CYYR1: variants seen among roughly 807,000 people sequenced by gnomAD.
CYYR1 encodes the protein cysteine and tyrosine-rich protein 1.
Under a neutral mutation model 15.2 loss-of-function variants are expected in CYYR1, and 14 were observed. That is an observed-to-expected ratio of 0.92 (90% CI 0.61 to 1.44). CYYR1 has a LOEUF of 1.44. CYYR1 is among the 40% of genes most tolerant of loss of function. CYYR1 has a pLI of 0.00. For synonymous variants in CYYR1, 80 were observed against 77.4 expected, an observed-to-expected ratio of 1.03 and a Z score of -0.18; for missense variants, 228 against 209.5, an observed-to-expected ratio of 1.09 and a Z score of -0.54.
chr21:26,533,718 C>A (rs2065961515), intron 2 of CYYR1, among the ~76,000 whole-genome samples: 1 of 152,124 alleles, frequency 6.6e-6, no homozygotes, highest in Non-Finnish European at 1.5e-5. Flanking sequence ...TTCACCATCA[C>A]AATTAGGTTG....
intron 2 of CYYR1, among the ~76,000 whole-genome samples, chr21:26,562,413 A>G (rs1980265201): frequency 6.6e-6 from 1 of 152,162 alleles, no homozygotes; most frequent in Admixed American, 6.6e-5. Context: ...TCTGATTTCC[A>G]GAAAAGTACT....
chr21:26,477,713 C>A (rs913383040), intron 3 of CYYR1: 2 of 979,342 alleles, frequency 2.0e-6, no homozygotes, highest in African/African-American at 3.5e-5. Context: ...GTATCTAGAA[C>A]GTTATCTGCA....
At chr21:26,519,179 TA>T (rs1360625802) in intron 2 of CYYR1, among the ~76,000 whole-genome samples, 2 of 152,184 alleles carry the variant, frequency 1.3e-5, no homozygotes, top group East Asian at 3.9e-4. Flanking sequence ...ATGTTTGGAA[TA>T]TATCATTAAG....
chr21:26,557,462 C>G (rs558193828), intron 2 of CYYR1, among the ~76,000 whole-genome samples: 92 of 152,224 alleles, frequency 6.0e-4, no homozygotes, highest in Non-Finnish European at 9.1e-4. Flanking sequence ...TAAAACGCAA[C>G]AAGCAAATAG....
At chr21:26,544,862 C>T (rs904847808) in intron 2 of CYYR1, among the ~76,000 whole-genome samples, 3 of 151,792 alleles carry the variant, frequency 2.0e-5, no homozygotes, top group Admixed American at 6.6e-5. Flanking sequence ...GAGGTGGATC[C>T]TAGGAGTTCC....
At chr21:26,552,390 G>T (rs1379150362) in intron 2 of CYYR1, among the ~76,000 whole-genome samples, 1 of 152,074 alleles carries the variant, frequency 6.6e-6, no homozygotes, top group Non-Finnish European at 1.5e-5. Context: ...TTTCAGTAGA[G>T]TTGAAATGAA....
chr21:26,561,470 C>T (rs1312552683), intron 2 of CYYR1, among the ~76,000 whole-genome samples: 1 of 152,184 alleles, frequency 6.6e-6, no homozygotes, highest in Non-Finnish European at 1.5e-5. Context: ...TCTTTTAACT[C>T]AGTTTTGCTT....
At chr21:26,478,161 C>CATTAGCA in intron 3 of CYYR1, 10 of 1,548,322 alleles carry the variant, frequency 6.5e-6, no homozygotes, top group Non-Finnish European at 8.7e-6. Context: ...GAACAATAAA[C>CATTAGCA]AATCAACATA....
At chr21:26,487,653 AAAAC>A (rs1350260720) in intron 2 of CYYR1, among the ~76,000 whole-genome samples, 2 of 152,112 alleles carry the variant, frequency 1.3e-5, no homozygotes, top group East Asian at 1.9e-4. Context: ...AAATAATAGA[AAAAC>A]AAACTCAATG....
In CYYR1 at chr21:26,468,273, A is replaced by C. The variant is rs887989439; in HGVS notation, c.*228T>G. The C allele has an allele frequency of 3.6e-6, 2 of 549,316 alleles. No individual in the cohort carries two copies. The highest frequency in any genetic ancestry group is 6.6e-6 in the Non-Finnish European group (2 of 303,692). 34.0% of individuals were successfully genotyped at this position (549,316 alleles called of 1,614,324 possible). ...CCTGAATGTGCTTAGGTGGATCAGCAGATCTCTTAAAATGTGGTTCCATAG... is the reference window on the plus strand; with the variant it reads ...CCTGAATGTGCTTAGGTGGATCAGCCGATCTCTTAAAATGTGGTTCCATAG... On this transcript the variant is annotated 3_prime_UTR_variant, in exon 4 of 4. Transcript: ENST00000652641.
chr21:26,511,983 C>CACAT (rs1481689776), intron 2 of CYYR1, among the ~76,000 whole-genome samples: 2 of 136,284 alleles, frequency 1.5e-5, no homozygotes, highest in Non-Finnish European at 3.1e-5. Context: ...AACAATATCA[C>CACAT]ACATACACAC....
At chr21:26,480,126 G>T in intron 3 of CYYR1, 146 bp downstream of exon 3, 1 of 781,254 alleles carries the variant, frequency 1.3e-6, no homozygotes, top group South Asian at 2.7e-5. Context: ...TCTTGATTCA[G>T]CTAGAACTTC....
Position 26,472,985 on chromosome 21 carries a change from G to A in CYYR1, c.335-4351C>T, listed in dbSNP as rs1057072693. 3.3e-5 allele frequency among the ~76,000 whole-genome samples: 5 copies of A among 152,046 alleles called. No individual in the cohort carries two copies. The South Asian group carries it at 1.0e-3, about 32-fold the overall frequency. ...TTATTTTTTCTAAGTTTTAAATATT[G>A]GTTAGGCCGAATTATCTAAATGTGG... On this transcript the variant is annotated intron_variant, in intron 3 of 3. Transcript: ENST00000652641.
chr21:26,489,776 CA>C (rs1428369857), intron 2 of CYYR1, among the ~76,000 whole-genome samples: 4 of 152,044 alleles, frequency 2.6e-5, no homozygotes, highest in Non-Finnish European at 5.9e-5. Context: ...AACTGTTTAA[CA>C]CCAATATTTG....
chr21:26,566,589 TACACCAAGCACCATAATTAC>T (rs1980638701), intron 1 of CYYR1, among the ~76,000 whole-genome samples: 1 of 152,184 alleles, frequency 6.6e-6, no homozygotes, highest in Admixed American at 6.5e-5. Context: ...TTGAATCTTC[TACACCAAGCACCATAATTAC>T]CAGTCAGGGT....
At chr21:26,479,203 G>A (rs2065140483) in intron 3 of CYYR1, among the ~76,000 whole-genome samples, 1 of 151,630 alleles carries the variant, frequency 6.6e-6, no homozygotes, top group Admixed American at 6.6e-5. Context: ...ACTCCAGTAT[G>A]AAAATATTAT....
chr21:26,525,187 C>A (rs947483820), intron 2 of CYYR1, among the ~76,000 whole-genome samples: 6 of 152,108 alleles, frequency 3.9e-5, no homozygotes, highest in Non-Finnish European at 4.4e-5. Context: ...CTTCTCTTCC[C>A]TTTTATCCTA....
At chr21:26,520,113 G>GATATATATATATATATATAT (rs71183558) in intron 2 of CYYR1, among the ~76,000 whole-genome samples, 16 of 120,690 alleles carry the variant, frequency 1.3e-4, no homozygotes, top group South Asian at 8.0e-4. Context: ...AAACCCAGGA[G>GATATATATATATATATATAT]ATATATATAT....
rs545457373 is a variant in CYYR1 at position 26,501,155 on chromosome 21, T to C, written c.177-20726A>G. Among the ~76,000 whole-genome samples the C allele has an allele frequency of 1.2e-3, 179 of 152,244 alleles. 1 individual carries two copies. Among genetic ancestry groups the C allele is most frequent in the African/African-American group, 4.0e-3 (168 of 41,564 alleles). ...GAGATCGAGACCATCCTGGCCAACA[T>C]GGTGAAACCCCATCTCTACTAAAAA... is the stretch of plus-strand genomic sequence containing the variant. On this transcript the variant is annotated intron_variant, in intron 2 of 3. Coordinates refer to ENST00000652641, the MANE Select transcript of CYYR1 (RefSeq NM_001320768.2).
Sources: gnomAD v4.1 joint callset for allele counts (sites outside exome capture counted in the v4.1 genomes callset) on GRCh38, gnomAD v4.1.1 for gene constraint, MANE v1.5 for transcripts, NCBI Gene and HGNC (gene_info 2026-07-23, HGNC 2026-07-21) for gene names.